PACC1: variants seen among roughly 807,000 people sequenced by gnomAD.
The protein encoded by PACC1 is proton activated chloride channel 1.
A neutral mutation model predicts 39.7 loss-of-function variants in PACC1; 34 were observed. The ratio of observed to expected loss-of-function variants is 0.86; its 90% confidence interval spans 0.65 to 1.14. The LOEUF (loss-of-function observed/expected upper bound fraction) is 1.14, where lower values mean the gene tolerates loss of function less well. Among genes scored for constraint, PACC1 ranks in the 50% most tolerant of loss-of-function variants. PACC1 has a pLI of 0.00. For synonymous variants in PACC1, 127 were observed against 160.6 expected, an observed-to-expected ratio of 0.79 and a Z score of 1.58; for missense variants, 379 against 436.4, an observed-to-expected ratio of 0.87 and a Z score of 1.17.
At chr1:212,370,655 T>C (rs1660415913) in intron 7 of PACC1, among the ~76,000 whole-genome samples, 2 of 152,154 alleles carry the variant, frequency 1.3e-5, no homozygotes, top group Non-Finnish European at 2.9e-5. Context: ...TTGGAAACTG[T>C]ACAAATACAT....
intron 1 of PACC1, chr1:212,413,956 G>A (rs1408162859): frequency 1.8e-5 from 27 of 1,535,690 alleles, no homozygotes; most frequent in East Asian, 2.4e-5. Flanking sequence ...AGAAGAGGAC[G>A]GTTGCCAAAG....
intron 2 of PACC1, among the ~76,000 whole-genome samples, chr1:212,399,017 G>A (rs893176061): frequency 6.6e-6 from 1 of 152,210 alleles, no homozygotes; most frequent in Admixed American, 6.5e-5. Context: ...TAGCTTGGAA[G>A]GTACAACCAA....
At chr1:212,395,636 C>G (rs1328769130) in intron 2 of PACC1, among the ~76,000 whole-genome samples, 30 of 152,124 alleles carry the variant, frequency 2.0e-4, no homozygotes, top group Non-Finnish European at 4.4e-4. Flanking sequence ...AAACTACCAT[C>G]AGAGTTAACA....
intron 2 of PACC1, among the ~76,000 whole-genome samples, chr1:212,401,876 T>C (rs1174572931): frequency 6.6e-6 from 1 of 152,054 alleles, no homozygotes; most frequent in Non-Finnish European, 1.5e-5. Context: ...GGTTGCACCA[T>C]GTTGGTCAGA....
chr1:212,379,026 C>CTA (rs1282329602), intron 5 of PACC1, among the ~76,000 whole-genome samples: 5 of 151,286 alleles, frequency 3.3e-5, no homozygotes, highest in African/African-American at 1.2e-4. Context: ...TCACTGCAAA[C>CTA]TCTGCCTCCT....
At chr1:212,371,977 T>C (rs1660475042) in intron 7 of PACC1, among the ~76,000 whole-genome samples, 1 of 152,086 alleles carries the variant, frequency 6.6e-6, no homozygotes, top group Non-Finnish European at 1.5e-5. Context: ...AAATTCAACA[T>C]ACTATCATGA....
chr1:212,391,618 A>T (rs764641799), intron 2 of PACC1, among the ~76,000 whole-genome samples: 2 of 152,260 alleles, frequency 1.3e-5, no homozygotes, highest in Non-Finnish European at 2.9e-5. Context: ...TTGAGAGAAG[A>T]AGTCTTCAGA....
rs1661117961 is a variant in PACC1 at position 212,386,869 on chromosome 1, C to T, written c.343+22G>A. 1 of 1,612,874 alleles carries T rather than the reference C, an allele frequency of 6.2e-7. No individual in the cohort carries two copies. The highest frequency in any genetic ancestry group is 1.3e-5 in the African/African-American group (1 of 75,016). On this transcript the variant is annotated intron_variant, in intron 3 of 7. Transcript: ENST00000261455. The surrounding 1 kb of genome is among the most constrained non-coding windows in gnomAD (Gnocchi z 5.0). ...CACCCTAGATCTGGGGCCCTGATGC[C>T]TGGCCCAGGGGCAGGCTCTACCTGG...
intron 2 of PACC1, among the ~76,000 whole-genome samples, chr1:212,405,863 T>G (rs1661891511): frequency 6.6e-6 from 1 of 152,052 alleles, no homozygotes; most frequent in African/African-American, 2.4e-5. Context: ...CCCTATAGGC[T>G]CAGAGCAATG....
chr1:212,407,948 C>T (rs1170585823), intron 2 of PACC1, among the ~76,000 whole-genome samples: 3 of 152,042 alleles, frequency 2.0e-5, no homozygotes, highest in Non-Finnish European at 4.4e-5. Flanking sequence ...GTGGCACACG[C>T]CTATAGTCCC....
In PACC1 at chr1:212,385,322, G is replaced by A. The variant is rs1166633749; in HGVS notation, c.447C>T (p.Cys149=). 6.2e-7 allele frequency: 1 copy of A among 1,614,126 alleles called. No individual in the cohort carries two copies. The highest frequency in any genetic ancestry group is 1.1e-5 in the South Asian group (1 of 91,078). The part of the protein sequence containing the change: ...TSPGQPGDMN[C]TTQRINYTDP... Reference sequence around the variant, plus strand: ...CCGTGTAGTTGATCCTCTGGGTGGTGCAATTCATGTCACCCGGCTGGCCAG... The same window carrying A: ...CCGTGTAGTTGATCCTCTGGGTGGTACAATTCATGTCACCCGGCTGGCCAG... The change falls in exon 4 of 8, where the codon TGC becomes TGT. Residue 149 remains cysteine (C), a synonymous_variant. Transcript: ENST00000261455.
intron 2 of PACC1, among the ~76,000 whole-genome samples, chr1:212,404,267 T>C (rs1054233058): frequency 1.3e-5 from 2 of 151,860 alleles, no homozygotes; most frequent in African/African-American, 4.8e-5. Context: ...CCACCACTCC[T>C]GGCTAATTTT....
chr1:212,399,035 G>A (rs1661620159), intron 2 of PACC1, among the ~76,000 whole-genome samples: 1 of 152,198 alleles, frequency 6.6e-6, no homozygotes, highest in Admixed American at 6.5e-5. Flanking sequence ...CAACTCCCAT[G>A]GTCCAAATGG....
chr1:212,373,005 T>C (rs1660514249), intron 7 of PACC1, among the ~76,000 whole-genome samples: 1 of 151,782 alleles, frequency 6.6e-6, no homozygotes, highest in African/African-American at 2.4e-5. Flanking sequence ...AGAAAAAAAA[T>C]CCTAAATTTT....
At chr1:212,388,061 A>T in intron 2 of PACC1, among the ~76,000 whole-genome samples, 1 of 147,326 alleles carries the variant, frequency 6.8e-6, no homozygotes, top group East Asian at 1.9e-4. Flanking sequence ...TCTCAAAAAA[A>T]AAAAAAAAAG....
intron 2 of PACC1, among the ~76,000 whole-genome samples, chr1:212,395,464 G>C (rs1024057962): frequency 6.6e-6 from 1 of 152,162 alleles, no homozygotes. Flanking sequence ...TTAAATGTCA[G>C]ACCTAAAACC....
intron 7 of PACC1, 113 bp downstream of exon 7, chr1:212,375,080 A>T: frequency 2.5e-6 from 2 of 786,342 alleles, no homozygotes; most frequent in Non-Finnish European, 4.1e-6. Flanking sequence ...AGTCTACAAG[A>T]ATGAGCCAAA....
rs146634843 is a variant in PACC1, at chr1:212,365,574, G to A, written c.892-198C>T. ...GCCTCCCGAGTAGCTGGGATTACAG[G>A]AACCTGCCACCACACCTGGCTAATT... On this transcript the variant is annotated intron_variant, in intron 7 of 7. Coordinates refer to ENST00000261455, the MANE Select transcript of PACC1 (RefSeq NM_018252.3). Among the ~76,000 whole-genome samples, 406 of 152,130 alleles carry A rather than the reference G, an allele frequency of 2.7e-3. 2 individuals carry two copies. The highest frequency in any genetic ancestry group is 3.9e-3 in the Non-Finnish European group (262 of 67,988).
At chr1:212,368,640 G>A (rs1348893334) in intron 7 of PACC1, among the ~76,000 whole-genome samples, 3 of 151,800 alleles carry the variant, frequency 2.0e-5, no homozygotes, top group Middle Eastern at 3.4e-3. Context: ...AAGAATTAGT[G>A]AGCTTAAAGA....
Sources: allele counts gnomAD v4.1 joint callset (sites outside exome capture counted in the v4.1 genomes callset), GRCh38; gene constraint gnomAD v4.1.1; non-coding constraint Gnocchi (gnomAD v3.1); transcripts MANE v1.5; gene names NCBI Gene and HGNC (gene_info 2026-07-23, HGNC 2026-07-21).